SREBF1: variants seen among roughly 807,000 people sequenced by gnomAD.
The protein encoded by SREBF1 is sterol regulatory element binding transcription factor 1.
Under a neutral mutation model 100.1 loss-of-function variants are expected in SREBF1, and 45 were observed. The observed-to-expected ratio is 0.45, with a 90% confidence interval of 0.35 to 0.58. SREBF1 has a LOEUF of 0.58. Ranked by LOEUF, SREBF1 falls within the 20% of genes least tolerant of loss-of-function variation. The pLI, the probability that SREBF1 is intolerant of heterozygous loss-of-function variation, is 0.00. For missense variants in SREBF1, 1,324 were observed against 1,539.4 expected (o/e 0.86, Z 2.34); for synonymous variants, 657 against 681.8 (o/e 0.96, Z 0.57).
intron 1 of SREBF1, among the ~76,000 whole-genome samples, chr17:17,829,058 T>C (rs2034666758): frequency 6.6e-6 from 1 of 151,422 alleles, no homozygotes; most frequent in South Asian, 2.1e-4. Flanking sequence ...CTGGGCGTGG[T>C]GGTATGTGCC....
chr17:17,816,020 G>A lies in SREBF1; in HGVS notation c.2223C>T (p.Phe741=), dbSNP rs905226706. ...GGCAGGCCTGGCGGGCACTGCTCAG[G>A]AAGAAGCGCTGTAGGGGAGGGTACT... The part of the protein sequence containing the change: ...PRALHFLTRF[F]LSSARQACLA... Residue 741 remains phenylalanine (F), a synonymous_variant, in exon 12 of 19, where the codon TTC becomes TTT. Coordinates refer to ENST00000261646, the MANE Select transcript of SREBF1 (RefSeq NM_004176.5). The A allele has an allele frequency of 1.2e-6, 2 of 1,612,300 alleles. No homozygotes were observed. Among genetic ancestry groups the A allele is most frequent in the Non-Finnish European group, 1.7e-6 (2 of 1,179,686 alleles).
In SREBF1 at chr17:17,814,607, GCACT is replaced by G; in HGVS notation, c.2735+4_2735+7del. On this transcript the variant is annotated splice_donor_5th_base_variant and intron_variant, in intron 15 of 18. Transcript: ENST00000261646. Reference sequence around the variant, plus strand: ...GGACCAGGCAGGAGGAACCTGCCGTGCACTCACTCAGACTCCTGCAGCACCCGGG... The same window carrying G: ...GGACCAGGCAGGAGGAACCTGCCGTGCACTCAGACTCCTGCAGCACCCGGG... The G allele has an allele frequency of 1.3e-6, 2 of 1,539,732 alleles. No individual in the cohort carries two copies. Among genetic ancestry groups the G allele is most frequent in the Non-Finnish European group, 1.7e-6 (2 of 1,147,498 alleles).
intron 1 of SREBF1, among the ~76,000 whole-genome samples, chr17:17,827,280 G>A (rs1567987028): frequency 2.6e-5 from 4 of 152,326 alleles, no homozygotes; most frequent in South Asian, 2.1e-4. Context: ...AAAGGGATTT[G>A]CCAATTGATC....
rs751743721 is a variant in SREBF1, at chr17:17,819,696, G to A, written c.553C>T (p.Leu185=). The change falls in exon 3 of 19, where the codon CTG becomes TTG. Residue 185 remains leucine, a synonymous_variant. Coordinates refer to ENST00000261646, the MANE Select transcript of SREBF1 (RefSeq NM_004176.5). ...GSPPGNTQQP[L]PGLPLASPPG... is the part of the protein sequence containing the mutation. Reference sequence around the variant, plus strand: ...GGGGAAGCCAGTGGCAGGCCAGGCAGCGGCTGCTGGGTGTTCCCGGGAGGG... The same window carrying A: ...GGGGAAGCCAGTGGCAGGCCAGGCAACGGCTGCTGGGTGTTCCCGGGAGGG... The A allele has an allele frequency of 6.2e-7, 1 of 1,608,994 alleles. No homozygotes were observed.
At chr17:17,827,625 G>A (rs1196893324) in intron 1 of SREBF1, among the ~76,000 whole-genome samples, 1 of 152,134 alleles carries the variant, frequency 6.6e-6, no homozygotes, top group Non-Finnish European at 1.5e-5. Context: ...TCCCGGAATG[G>A]GACGCACCCA....
In SREBF1 at chr17:17,811,990, A is replaced by C. The variant is rs1317279690; in HGVS notation, c.*632T>G. On this transcript the variant is annotated 3_prime_UTR_variant, in exon 19 of 19. Coordinates refer to ENST00000261646, the MANE Select transcript of SREBF1 (RefSeq NM_004176.5). ...TTGTGTACCTTGTGGCCGGAGGGGG[A>C]GGGGAAGCCTTTCCCTAGGTGCTGG... 1 of 441,242 alleles carries C rather than the reference A, an allele frequency of 2.3e-6. No individual in the cohort carries two copies. The highest frequency in any genetic ancestry group is 7.5e-5 in the East Asian group (1 of 13,300). The allele number at this position is 441,242 out of a possible 1,614,324, so 27.3% of individuals were successfully genotyped here. A position where few individuals can be genotyped will look rare whatever the true frequency, so the allele number is the denominator to read the frequency against.
intron 18 of SREBF1, 59 bp from the exon 19 acceptor site, chr17:17,812,910 C>A (rs982427265): frequency 1.6e-5 from 22 of 1,410,510 alleles, no homozygotes; most frequent in Admixed American, 1.2e-4. Flanking sequence ...CCCGCGGGAG[C>A]CCTGCCCACA....
chr17:17,818,984 G>A (rs765294323), intron 5 of SREBF1, 29 bp downstream of exon 5: 26 of 1,605,772 alleles, frequency 1.6e-5, no homozygotes, highest in African/African-American at 4.0e-5. Flanking sequence ...GGGACACCCC[G>A]GTCTGTGCCC....
At position 17,817,685 on chromosome 17, in the gene SREBF1, C is replaced by T; in HGVS notation, c.1404+11G>A. 1.8e-5 allele frequency: 29 copies of T among 1,612,886 alleles called. No individual in the cohort carries two copies. Among genetic ancestry groups the T allele is most frequent in the Non-Finnish European group, 2.4e-5 (28 of 1,179,872 alleles). On this transcript the variant is annotated intron_variant, in intron 7 of 18. Transcript: ENST00000261646. The surrounding 1 kb of genome is among the most constrained non-coding windows in gnomAD (Gnocchi z 6.6). ...GGGAGTGGGGAAGGGGGCACCGTGGCAGGGCCCAACCTTGCTGTCCTCAAA... is the reference window on the plus strand; with the variant it reads ...GGGAGTGGGGAAGGGGGCACCGTGGTAGGGCCCAACCTTGCTGTCCTCAAA...
At position 17,814,926 on chromosome 17, in the gene SREBF1, G is replaced by C; in HGVS notation, c.2511C>G (p.Leu837=). The C allele has an allele frequency of 6.4e-7, 1 of 1,568,540 alleles. No homozygotes were observed. Among genetic ancestry groups the C allele is most frequent in the Non-Finnish European group, 8.6e-7 (1 of 1,156,942 alleles). ...AGCTGTTCAGCAGCTGCAGGTACCC[G>C]AGGGCATCCGAGAATTCCCTGTGGA... ...ADGDKEFSDA[L]GYLQLLNSCS... is the part of the protein sequence containing the mutation. Residue 837 remains leucine, a synonymous_variant, in exon 14 of 19, where the codon CTC becomes CTG. Transcript: ENST00000261646.
intron 1 of SREBF1, among the ~76,000 whole-genome samples, chr17:17,834,288 G>T (rs764782222): frequency 6.6e-5 from 10 of 152,228 alleles, no homozygotes; most frequent in Non-Finnish European, 8.8e-5. Flanking sequence ...ACAGGATTTT[G>T]TCATGTTGCC....
chr17:17,812,081 A>AAAT lies in SREBF1; in HGVS notation c.*538_*540dup. On this transcript the variant is annotated 3_prime_UTR_variant, in exon 19 of 19. Coordinates refer to ENST00000261646, the MANE Select transcript of SREBF1 (RefSeq NM_004176.5). ...GCTGAAGACACAAAACCCAGATTAT[A>AAAT]AATAATTTCATTTTTAATTCTCTGT... 2.3e-6 allele frequency: 1 copy of AAAT among 431,822 alleles called. No homozygotes were observed. Among genetic ancestry groups the AAAT allele is most frequent in the Non-Finnish European group, 4.5e-6 (1 of 221,166 alleles). 26.7% of individuals were successfully genotyped at this position (431,822 alleles called of 1,614,324 possible).
In SREBF1 at chr17:17,812,004, C is replaced by T. The variant is rs1295471784; in HGVS notation, c.*618G>A. ...GCCGGAGGGGGAGGGGAAGCCTTTC[C>T]CTAGGTGCTGGGGGAGGGCCCAAGC... On this transcript the variant is annotated 3_prime_UTR_variant, in exon 19 of 19. Coordinates refer to ENST00000261646, the MANE Select transcript of SREBF1 (RefSeq NM_004176.5). 2.8e-5 allele frequency: 12 copies of T among 436,334 alleles called. No homozygotes were observed. The highest frequency in any genetic ancestry group is 5.0e-5 in the Non-Finnish European group (11 of 220,950). The allele number at this position is 436,334 out of a possible 1,614,324, so 27.0% of individuals were successfully genotyped here.
Position 17,822,585 on chromosome 17 carries a change from G to A in SREBF1, c.92-2064C>T, listed in dbSNP as rs184751515. Among the ~76,000 whole-genome samples, 37 of 152,268 alleles carry A rather than the reference G, an allele frequency of 2.4e-4. 1 individual carries two copies. In the East Asian group the frequency reaches 6.0e-3, roughly 25 times the overall value. On this transcript the variant is annotated intron_variant, in intron 1 of 18. Coordinates refer to ENST00000261646, the MANE Select transcript of SREBF1 (RefSeq NM_004176.5). ...CAGCCCAGGGCCCTCTAACCCACTC[G>A]TGGTGGCACCCACTGGGTCAGAATG...
chr17:17,815,870 G>C lies in SREBF1; in HGVS notation c.2373C>G (p.Ala791=), dbSNP rs768387797. Residue 791 remains alanine (A), a synonymous_variant, in exon 12 of 19, where the codon GCC becomes GCG. Transcript: ENST00000261646. Reference sequence around the variant, plus strand: ...GGGGTAAGAGAGCACCTGGGTTCCCGGCCAAGCTGTACAGGCTCTCCCATG... The same window carrying C: ...GGGGTAAGAGAGCACCTGGGTTCCCCGCCAAGCTGTACAGGCTCTCCCATG... ...STPWESLYSL[A]GNPVDPLAQV... 1.9e-6 allele frequency: 3 copies of C among 1,612,634 alleles called. No individual in the cohort carries two copies. Among genetic ancestry groups the C allele is most frequent in the Admixed American group, 3.3e-5 (2 of 59,940 alleles).
At chr17:17,821,150 C>T (rs2034072000) in intron 1 of SREBF1, among the ~76,000 whole-genome samples, 1 of 123,134 alleles carries the variant, frequency 8.1e-6, no homozygotes, top group African/African-American at 3.2e-5. Context: ...AGTCCACACA[C>T]ATACACACAC....
At chr17:17,823,699 C>G in intron 1 of SREBF1, 1 of 760,572 alleles carries the variant, frequency 1.3e-6, no homozygotes, top group Non-Finnish European at 1.7e-6. Flanking sequence ...CAGCCCCGCC[C>G]CGCCTGCAGG....
At chr17:17,835,310 A>G (rs1173018307) in intron 1 of SREBF1, among the ~76,000 whole-genome samples, 1 of 152,184 alleles carries the variant, frequency 6.6e-6, no homozygotes, top group Non-Finnish European at 1.5e-5. Context: ...TCCAGAGGGC[A>G]GTGAAGGACA....
In SREBF1 at chr17:17,818,341, C is replaced by T. The variant is rs2033812061; in HGVS notation, c.1102G>A (p.Asp368Asn). Residue 368 changes from aspartate (D) to asparagine (N), a missense_variant, in exon 6 of 19, where the codon GAC (aspartate) becomes AAC (asparagine). By Grantham distance (23) the Asp-to-Asn change is conservative (BLOSUM62 1). Coordinates refer to ENST00000261646, the MANE Select transcript of SREBF1 (RefSeq NM_004176.5). ...CTGTGTTGCAGAAAGCGAATGTAGT[C>T]GATGGCCTTGCGCAAGACAGCAGAT... is the stretch of plus-strand genomic sequence containing the variant. ...NKSAVLRKAI[D>N]YIRFLQHSNQ... 6.8e-6 allele frequency: 11 copies of T among 1,613,426 alleles called. No homozygotes were observed. The highest frequency in any genetic ancestry group is 1.3e-5 in the African/African-American group (1 of 74,758).
Sources: gnomAD v4.1 joint callset for allele counts (sites outside exome capture counted in the v4.1 genomes callset) on GRCh38, gnomAD v4.1.1 for gene constraint, Gnocchi (gnomAD v3.1) non-coding constraint, MANE v1.5 for transcripts, NCBI Gene and HGNC (gene_info 2026-07-23, HGNC 2026-07-21) for gene names.